Variants in PARVA observed in about 807,000 individuals in gnomAD.
PARVA encodes parvin alpha, also known as alpha-parvin.
Under a neutral mutation model 52.6 loss-of-function variants are expected in PARVA, and 25 were observed. The observed-to-expected ratio is 0.48, with a 90% CI of 0.35 to 0.66. The LOEUF is 0.66. Ranked by LOEUF, PARVA falls within the 30% of genes least tolerant of loss-of-function variation. The pLI is 0.01. For synonymous variants in PARVA, 185 were observed against 179.1 expected (o/e 1.03, Z -0.26); for missense variants, 373 against 450.9 (o/e 0.83, Z 1.56).
intron 10 of PARVA, among the ~76,000 whole-genome samples, chr11:12,516,020 G>A (rs1385636083): frequency 6.6e-6 from 1 of 152,168 alleles, no homozygotes; most frequent in East Asian, 1.9e-4. Context: ...TGTATTTTTA[G>A]TACAGACAGG....
rs968574777 is a variant in PARVA, at chr11:12,532,083, G to A, written c.*4158G>A. Among the ~76,000 whole-genome samples the A allele has an allele frequency of 2.6e-5, 4 of 152,168 alleles. No homozygotes were observed. The highest frequency in any genetic ancestry group is 4.8e-5 in the African/African-American group (2 of 41,428). On this transcript the variant is annotated 3_prime_UTR_variant, in exon 13 of 13. Coordinates refer to ENST00000334956, the MANE Select transcript of PARVA (RefSeq NM_018222.5). ...CCCATGCTTTACTACAGTGGTGGTC[G>A]CATATGTGAACGTGTGCATGCGTGT...
chr11:12,430,878 A>T (rs1486365538), intron 1 of PARVA, among the ~76,000 whole-genome samples: 3 of 152,182 alleles, frequency 2.0e-5, no homozygotes, highest in Non-Finnish European at 4.4e-5. Context: ...CTTTTCCCTC[A>T]ACCATGCCAC....
chr11:12,482,451 C>T (rs1941100987), intron 4 of PARVA, among the ~76,000 whole-genome samples: 1 of 151,868 alleles, frequency 6.6e-6, no homozygotes, highest in African/African-American at 2.4e-5. Context: ...ATGGTGAAAC[C>T]CCCATCTCTA....
At chr11:12,428,210 C>T (rs1279347493) in intron 1 of PARVA, among the ~76,000 whole-genome samples, 1 of 152,158 alleles carries the variant, frequency 6.6e-6, no homozygotes, top group Non-Finnish European at 1.5e-5. Context: ...TAGCCATGTG[C>T]TGCATTAGGT....
chr11:12,394,847 T>C (rs535469585), intron 1 of PARVA, among the ~76,000 whole-genome samples: 3 of 152,078 alleles, frequency 2.0e-5, no homozygotes, highest in East Asian at 3.9e-4. Flanking sequence ...ATTCCAGCAC[T>C]TGGGGAGGCC....
chr11:12,530,005 G>A lies in PARVA; in HGVS notation c.*2080G>A, dbSNP rs947259312. On this transcript the variant is annotated 3_prime_UTR_variant, in exon 13 of 13. Coordinates refer to ENST00000334956, the MANE Select transcript of PARVA (RefSeq NM_018222.5). The stretch of plus-strand genomic sequence containing the variant: ...ATACTGAAGCAGGATGAAGTAAGAG[G>A]AATGCATTCATTTAAACATGCTTTG... The A allele has an allele frequency of 6.6e-6, 1 of 152,162 alleles. No homozygotes were observed. Among genetic ancestry groups the A allele is most frequent in the Non-Finnish European group, 1.5e-5 (1 of 68,032 alleles). The allele number at this position is 152,162 out of a possible 1,614,324, so 9.4% of individuals were successfully genotyped here. A position where few individuals can be genotyped will look rare whatever the true frequency, so the allele number is the denominator to read the frequency against.
rs1159655927 is a variant in PARVA at position 12,535,119 on chromosome 11, T to A, written c.*7194T>A. 6.6e-6 allele frequency among the ~76,000 whole-genome samples: 1 copy of A among 152,210 alleles called. No individual in the cohort carries two copies. Among genetic ancestry groups the A allele is most frequent in the East Asian group, 1.9e-4 (1 of 5,188 alleles). On this transcript the variant is annotated 3_prime_UTR_variant, in exon 13 of 13. Transcript: ENST00000334956. ...CTCTGTGCCTCTCCTGAGTCTACTT[T>A]CTGCATCATTGGTTCTCCCAGCTCA...
chr11:12,450,483 G>T (rs766247938), intron 1 of PARVA, among the ~76,000 whole-genome samples: 1 of 152,130 alleles, frequency 6.6e-6, no homozygotes, highest in Non-Finnish European at 1.5e-5. Context: ...AGTGATTAAG[G>T]GAAAAGAGAA....
chr11:12,513,485 C>T (rs765148854), intron 9 of PARVA, 125 bp downstream of exon 9: 3 of 845,706 alleles, frequency 3.5e-6, no homozygotes, highest in Non-Finnish European at 6.2e-6. Context: ...TCTGCACACA[C>T]AGGGCTTTCC....
intron 6 of PARVA, among the ~76,000 whole-genome samples, chr11:12,507,359 G>A (rs946479292): frequency 1.3e-5 from 2 of 152,104 alleles, no homozygotes; most frequent in Non-Finnish European, 2.9e-5. Flanking sequence ...GTGGAGGGAC[G>A]TAGTAGAATG....
intron 6 of PARVA, among the ~76,000 whole-genome samples, chr11:12,506,314 C>A (rs1941430370): frequency 1.3e-5 from 2 of 152,116 alleles, no homozygotes; most frequent in Admixed American, 1.3e-4. Flanking sequence ...TTTATAATAG[C>A]TCTCTTATCA....
intron 8 of PARVA, among the ~76,000 whole-genome samples, chr11:12,512,054 T>C (rs1374926877): frequency 6.6e-6 from 1 of 152,176 alleles, no homozygotes; most frequent in Non-Finnish European, 1.5e-5. Flanking sequence ...TATTTCTAGG[T>C]ATTAAATCAT....
chr11:12,481,237 T>G (rs1189636888), intron 4 of PARVA, among the ~76,000 whole-genome samples: 1 of 152,198 alleles, frequency 6.6e-6, no homozygotes, highest in Non-Finnish European at 1.5e-5. Flanking sequence ...CCTTCTGCAT[T>G]TATTAACTGG....
At chr11:12,428,854 G>A (rs1940274923) in intron 1 of PARVA, among the ~76,000 whole-genome samples, 1 of 152,224 alleles carries the variant, frequency 6.6e-6, no homozygotes, top group Non-Finnish European at 1.5e-5. Context: ...AGCCAATACA[G>A]GGGTATCATT....
intron 1 of PARVA, among the ~76,000 whole-genome samples, chr11:12,388,749 TTA>T (rs1311827205): frequency 6.6e-6 from 1 of 152,052 alleles, no homozygotes; most frequent in African/African-American, 2.4e-5. Flanking sequence ...ATAAGTTTTT[TTA>T]TCTTTTTCAT....
At chr11:12,439,341 G>A (rs1018007900) in intron 1 of PARVA, among the ~76,000 whole-genome samples, 2 of 152,166 alleles carry the variant, frequency 1.3e-5, no homozygotes, top group African/African-American at 4.8e-5. Flanking sequence ...ATAGACTTTG[G>A]TATAGACACT....
Position 12,529,705 on chromosome 11 carries a change from C to CT in PARVA, c.*1781dup, listed in dbSNP as rs1352886441. 3 of 152,184 alleles carry CT rather than the reference C, an allele frequency of 2.0e-5. No homozygotes were observed. Among genetic ancestry groups the CT allele is most frequent in the Non-Finnish European group, 2.9e-5 (2 of 68,032 alleles). 9.4% of individuals were successfully genotyped at this position (152,184 alleles called of 1,614,324 possible). On this transcript the variant is annotated 3_prime_UTR_variant, in exon 13 of 13. Coordinates refer to ENST00000334956, the MANE Select transcript of PARVA (RefSeq NM_018222.5). ...TTATTTCTTACTGTACTGTCTCTTA[C>CT]TGTACTGTCTATCTGCAGTAATTGA...
intron 1 of PARVA, among the ~76,000 whole-genome samples, chr11:12,436,224 G>A (rs1278183475): frequency 1.3e-5 from 2 of 152,190 alleles, no homozygotes; most frequent in African/African-American, 2.4e-5. Context: ...AATTCGGTAG[G>A]ATGATTGAGC....
intron 1 of PARVA, among the ~76,000 whole-genome samples, chr11:12,437,831 G>A (rs1029681382): frequency 2.0e-5 from 3 of 152,126 alleles, no homozygotes; most frequent in South Asian, 2.1e-4. Context: ...CAGCTTGGTC[G>A]GTGCTTCCCA....
Sources: allele counts gnomAD v4.1 joint callset (sites outside exome capture counted in the v4.1 genomes callset), GRCh38; gene constraint gnomAD v4.1.1; transcripts MANE v1.5; gene names NCBI Gene and HGNC (gene_info 2026-07-23, HGNC 2026-07-21).